Variants in PTPRN2 observed in about 807,000 individuals in gnomAD.
PTPRN2 encodes receptor-type tyrosine-protein phosphatase N2.
A neutral mutation model predicts 118.8 loss-of-function variants in PTPRN2; 74 were observed. The ratio of observed to expected loss-of-function variants is 0.62; its 90% CI spans 0.52 to 0.76. The LOEUF is 0.76. Ranked by LOEUF, PTPRN2 falls within the 30% of genes least tolerant of loss-of-function variation. The pLI is 0.00. For missense variants in PTPRN2, 1,481 were observed against 1,394.4 expected (o/e 1.06, Z -0.99); for synonymous variants, 641 against 608.0 (o/e 1.05, Z -0.80).
chr7:157,958,641 A>G (rs1488857279), intron 11 of PTPRN2, among the ~76,000 whole-genome samples: 1 of 152,222 alleles, frequency 6.6e-6, no homozygotes, highest in East Asian at 1.9e-4. Flanking sequence ...AGGACATTTA[A>G]AAAGCAATTC....
chr7:158,458,679 C>T (rs1406077487), intron 2 of PTPRN2, among the ~76,000 whole-genome samples: 1 of 152,160 alleles, frequency 6.6e-6, no homozygotes, highest in East Asian at 1.9e-4. Context: ...GAAAGTTGCA[C>T]AGTTATTTAC....
At chr7:157,980,336 A>C (rs554526746) in intron 11 of PTPRN2, among the ~76,000 whole-genome samples, 1 of 152,252 alleles carries the variant, frequency 6.6e-6, no homozygotes, top group African/African-American at 2.4e-5. Flanking sequence ...AGGGAAGAAC[A>C]TTCTCCAAAT....
intron 12 of PTPRN2, among the ~76,000 whole-genome samples, chr7:157,775,868 TTC>T (rs1291279148): frequency 6.6e-6 from 1 of 152,084 alleles, no homozygotes; most frequent in Non-Finnish European, 1.5e-5. Flanking sequence ...TTTGAGCCGT[TTC>T]TGTTCATGAC....
intron 2 of PTPRN2, among the ~76,000 whole-genome samples, chr7:158,323,470 C>T (rs531690379): frequency 1.6e-4 from 25 of 152,174 alleles, no homozygotes; most frequent in African/African-American, 3.6e-4. Flanking sequence ...TGCAGAGCAG[C>T]GGATGAACAG....
At chr7:158,336,092 A>G (rs189939622) in intron 2 of PTPRN2, among the ~76,000 whole-genome samples, 1 of 9,002 alleles carries the variant, frequency 1.1e-4, no homozygotes, top group African/African-American at 3.7e-4. Context: ...AACTGCAGAC[A>G]TCACTCACAC....
At chr7:158,084,264 C>A (rs1419081650) in intron 10 of PTPRN2, among the ~76,000 whole-genome samples, 4 of 151,890 alleles carry the variant, frequency 2.6e-5, no homozygotes, top group Non-Finnish European at 5.9e-5. Context: ...GCATTTGTTA[C>A]CAACCCCACC....
chr7:157,545,131 A>G lies in PTPRN2; in HGVS notation c.2976+3815T>C, dbSNP rs1268040371. Among the ~76,000 whole-genome samples the G allele has an allele frequency of 9.5e-5, 11 of 116,062 alleles. No individual in the cohort carries two copies. The South Asian group carries it at 1.2e-3, about 13-fold the overall frequency. The allele number at this position is 116,062 out of a possible 152,430, so 76.1% of individuals were successfully genotyped here. A position where few individuals can be genotyped will look rare whatever the true frequency, so the allele number is the denominator to read the frequency against. ...GTGTAGGTGTGTGTGGGGTGTATGC[A>G]TGGGTGTGTGCAGGTGTGTGGGTGT... On this transcript the variant is annotated intron_variant, in intron 22 of 22. Transcript: ENST00000389418.
chr7:157,922,856 CA>C (rs1585022000), intron 11 of PTPRN2, among the ~76,000 whole-genome samples: 1 of 152,210 alleles, frequency 6.6e-6, no homozygotes, highest in Non-Finnish European at 1.5e-5. Context: ...CACTCGCTTA[CA>C]AAAACCTATT....
chr7:157,685,982 G>A lies in PTPRN2; in HGVS notation c.1789-3045C>T, dbSNP rs571883963. ...CAAGGAGGCCCCTCCTGCAACCTGG[G>A]AGAGGCCGGGGGAGGCCCGGAGGGC... is the stretch of plus-strand genomic sequence containing the variant. On this transcript the variant is annotated intron_variant, in intron 12 of 22. Coordinates refer to ENST00000389418, the MANE Select transcript of PTPRN2 (RefSeq NM_002847.5). Among the ~76,000 whole-genome samples, 22 of 152,334 alleles carry A rather than the reference G, an allele frequency of 1.4e-4. No homozygotes were observed. The South Asian group carries it at 3.9e-3, about 27-fold the overall frequency.
chr7:157,931,934 C>G (rs1415946705), intron 11 of PTPRN2, among the ~76,000 whole-genome samples: 2 of 152,130 alleles, frequency 1.3e-5, no homozygotes, highest in African/African-American at 4.8e-5. Context: ...TCCCCTCCCC[C>G]CTTTAAAAAT....
At chr7:157,941,361 T>C (rs112531584) in intron 11 of PTPRN2, among the ~76,000 whole-genome samples, 16,053 of 52,326 alleles carry the variant, frequency 0.31, 3,947 homozygotes, top group African/African-American at 0.46. Context: ...CACCCTCCCC[T>C]GTGACACTGC....
At chr7:158,113,165 G>A (rs541633812) in intron 9 of PTPRN2, among the ~76,000 whole-genome samples, 1 of 152,288 alleles carries the variant, frequency 6.6e-6, no homozygotes, top group South Asian at 2.1e-4. Context: ...CCGGGCCTCA[G>A]ATTGGTCCAG....
intron 9 of PTPRN2, among the ~76,000 whole-genome samples, chr7:158,125,863 G>A (rs577320683): frequency 3.9e-4 from 59 of 152,264 alleles, no homozygotes; most frequent in African/African-American, 1.3e-3. Flanking sequence ...CGAGCAGGAA[G>A]CATCAGTCCG....
intron 11 of PTPRN2, among the ~76,000 whole-genome samples, chr7:158,002,267 G>A (rs140975119): frequency 0.013 from 1,931 of 152,316 alleles, 43 homozygotes; most frequent in African/African-American, 0.044. Context: ...TGCTCTGGAT[G>A]GTCACTCACT....
intron 3 of PTPRN2, among the ~76,000 whole-genome samples, chr7:158,277,487 C>T (rs1430909509): frequency 2.0e-5 from 3 of 152,308 alleles, no homozygotes; most frequent in Non-Finnish European, 4.4e-5. Context: ...AAAACACTGA[C>T]CCCTGAAATC....
intron 11 of PTPRN2, among the ~76,000 whole-genome samples, chr7:158,051,589 C>G (rs1809328767): frequency 6.6e-6 from 1 of 152,244 alleles, no homozygotes; most frequent in Middle Eastern, 3.2e-3. Context: ...AAGTGGCTAA[C>G]TGAATTACAT....
At chr7:158,183,528 T>C (rs1824891924) in intron 5 of PTPRN2, among the ~76,000 whole-genome samples, 1 of 152,310 alleles carries the variant, frequency 6.6e-6, no homozygotes, top group Admixed American at 6.5e-5. Context: ...ACTGAGTTGG[T>C]TGGCAGACTT....
At chr7:158,248,630 A>G (rs1026633818) in intron 3 of PTPRN2, among the ~76,000 whole-genome samples, 1 of 151,254 alleles carries the variant, frequency 6.6e-6, no homozygotes, top group Non-Finnish European at 1.5e-5. Flanking sequence ...ACACACGCAC[A>G]CACACCACAC....
At chr7:157,685,730 C>T (rs925930228) in intron 12 of PTPRN2, among the ~76,000 whole-genome samples, 4 of 152,182 alleles carry the variant, frequency 2.6e-5, no homozygotes, top group Non-Finnish European at 4.4e-5. Flanking sequence ...TGGATTTACT[C>T]AAAGGTCAAA....
Sources: gnomAD v4.1 joint callset for allele counts (sites outside exome capture counted in the v4.1 genomes callset) on GRCh38, gnomAD v4.1.1 for gene constraint, MANE v1.5 for transcripts, NCBI Gene and HGNC (gene_info 2026-07-23, HGNC 2026-07-21) for gene names.